The following OPCML variants were observed in gnomAD, a reference collection of about 807,000 sequenced individuals.
The protein encoded by OPCML is opioid-binding protein/cell adhesion molecule.
Under a neutral mutation model 37.8 loss-of-function variants are expected in OPCML, and 13 were observed. That is an observed-to-expected ratio of 0.34 (90% confidence interval 0.22 to 0.55). The LOEUF (loss-of-function observed/expected upper bound fraction) is 0.55, where lower values mean the gene tolerates loss of function less well. Among genes scored for constraint, OPCML ranks in the 20% least tolerant of loss-of-function variants. The probability of loss-of-function intolerance (pLI) is 0.91; values close to 1 mark genes in which losing one functional copy is unlikely to be tolerated. For missense variants in OPCML, 341 were observed against 435.6 expected (o/e 0.78, Z 1.93); for synonymous variants, 176 against 168.8 (o/e 1.04, Z -0.33).
intron 2 of OPCML, among the ~76,000 whole-genome samples, chr11:132,667,193 T>C (rs901610659): frequency 5.9e-5 from 9 of 152,220 alleles, no homozygotes; most frequent in Admixed American, 5.2e-4. Flanking sequence ...TTTTTTGTTG[T>C]TGCTTATTTG....
intron 3 of OPCML, among the ~76,000 whole-genome samples, chr11:132,609,514 C>G (rs1938510027): frequency 1.3e-5 from 2 of 152,134 alleles, no homozygotes; most frequent in Admixed American, 1.3e-4. Context: ...CATTTACCCA[C>G]CAGCATGCAA....
chr11:133,331,691 T>A (rs1343892051), intron 1 of OPCML, among the ~76,000 whole-genome samples: 3 of 152,170 alleles, frequency 2.0e-5, no homozygotes, highest in African/African-American at 4.8e-5. Context: ...ATTTCAAAAT[T>A]CTACTTTATT....
At chr11:132,705,023 C>G (rs1396547240) in intron 2 of OPCML, among the ~76,000 whole-genome samples, 2 of 152,146 alleles carry the variant, frequency 1.3e-5, no homozygotes, top group Non-Finnish European at 2.9e-5. Context: ...GTTGAGTAAA[C>G]AGATCTGGCT....
intron 1 of OPCML, among the ~76,000 whole-genome samples, chr11:132,998,045 A>G (rs1946919632): frequency 6.6e-6 from 1 of 152,160 alleles, no homozygotes; most frequent in Non-Finnish European, 1.5e-5. Context: ...TGGGTTTGGC[A>G]TAGTTCCGCC....
At chr11:132,940,281 C>T (rs1237287842) in intron 2 of OPCML, among the ~76,000 whole-genome samples, 1 of 152,152 alleles carries the variant, frequency 6.6e-6, no homozygotes, top group African/African-American at 2.4e-5. Context: ...GGTCTCTGGC[C>T]TCCTTATGGG....
At chr11:132,709,096 T>C (rs780513510) in intron 2 of OPCML, among the ~76,000 whole-genome samples, 2 of 152,204 alleles carry the variant, frequency 1.3e-5, no homozygotes, top group African/African-American at 2.4e-5. Flanking sequence ...AGCTGTGCTC[T>C]AACCTCCTGT....
At chr11:133,087,402 A>C (rs550791898) in intron 1 of OPCML, among the ~76,000 whole-genome samples, 35 of 152,288 alleles carry the variant, frequency 2.3e-4, no homozygotes, top group African/African-American at 8.2e-4. Context: ...TAGTGAGCCT[A>C]GAACCTAATA....
intron 1 of OPCML, among the ~76,000 whole-genome samples, chr11:133,044,792 G>A (rs1045464452): frequency 2.6e-5 from 4 of 152,132 alleles, no homozygotes; most frequent in Non-Finnish European, 4.4e-5. Flanking sequence ...AGTCCGTTCC[G>A]TACAGGGGAG....
intron 1 of OPCML, among the ~76,000 whole-genome samples, chr11:133,088,866 T>C (rs1948859381): frequency 6.6e-6 from 1 of 152,220 alleles, no homozygotes. Context: ...CCCCATATTC[T>C]AACACATTAA....
At chr11:132,537,765 A>G (rs1056768408) in intron 3 of OPCML, among the ~76,000 whole-genome samples, 10 of 152,232 alleles carry the variant, frequency 6.6e-5, no homozygotes, top group Non-Finnish European at 1.5e-4. Context: ...AGTTGCATAA[A>G]TAATTCTCCA....
chr11:132,656,223 C>G (rs907463393), intron 3 of OPCML, among the ~76,000 whole-genome samples: 1 of 152,082 alleles, frequency 6.6e-6, no homozygotes, highest in Non-Finnish European at 1.5e-5. Context: ...GGGTCAAGTT[C>G]AAAATAAGTT....
At chr11:132,614,078 A>G (rs1417390237) in intron 3 of OPCML, among the ~76,000 whole-genome samples, 2 of 152,076 alleles carry the variant, frequency 1.3e-5, no homozygotes, top group Non-Finnish European at 2.9e-5. Flanking sequence ...AAGTAGAAAA[A>G]GGCATTCAAG....
At chr11:132,771,243 C>T (rs931850862) in intron 2 of OPCML, among the ~76,000 whole-genome samples, 1 of 152,184 alleles carries the variant, frequency 6.6e-6, no homozygotes, top group African/African-American at 2.4e-5. Flanking sequence ...AACCACTATG[C>T]TTTGATATCT....
intron 1 of OPCML, among the ~76,000 whole-genome samples, chr11:133,200,691 G>A (rs1000693072): frequency 1.3e-5 from 2 of 152,026 alleles, no homozygotes; most frequent in Admixed American, 6.6e-5. Context: ...TTTTTTCCAC[G>A]TAACAATATG....
chr11:132,861,703 C>A (rs746803710), intron 2 of OPCML, among the ~76,000 whole-genome samples: 1 of 152,000 alleles, frequency 6.6e-6, no homozygotes, highest in Non-Finnish European at 1.5e-5. Flanking sequence ...GGCGTGGTGG[C>A]GTGCACCTGT....
chr11:133,256,616 G>T (rs1941318666), intron 1 of OPCML, among the ~76,000 whole-genome samples: 1 of 152,242 alleles, frequency 6.6e-6, no homozygotes, highest in Admixed American at 6.5e-5. Flanking sequence ...TTATTTTAAA[G>T]TTATTCATTT....
intron 3 of OPCML, among the ~76,000 whole-genome samples, chr11:132,650,673 C>T (rs1591672885): frequency 6.6e-6 from 1 of 152,064 alleles, no homozygotes; most frequent in Non-Finnish European, 1.5e-5. Flanking sequence ...ACTCTGAATT[C>T]TACTCTTCAC....
In OPCML at chr11:132,824,490, A is replaced by AT. The variant is rs796568840; in HGVS notation, c.146+118435dup. On this transcript the variant is annotated intron_variant, in intron 2 of 7. Transcript: ENST00000524381. ...GTTCATCCTCACTTTTTATCATCTC[A>AT]TTTTTTGTTCTGTTTCACAGCAAAA... 3.4e-4 allele frequency among the ~76,000 whole-genome samples: 52 copies of AT among 152,092 alleles called. 1 individual carries two copies. The highest frequency in any genetic ancestry group is 1.1e-3 in the African/African-American group (46 of 41,400).
intron 3 of OPCML, among the ~76,000 whole-genome samples, chr11:132,555,001 G>A (rs991149171): frequency 6.7e-6 from 1 of 150,166 alleles, no homozygotes; most frequent in African/African-American, 2.4e-5. Flanking sequence ...TCCTTAGGAT[G>A]CACACTTAGA....
Sources: allele counts gnomAD v4.1 joint callset (sites outside exome capture counted in the v4.1 genomes callset), GRCh38; gene constraint gnomAD v4.1.1; transcripts MANE v1.5; gene names NCBI Gene and HGNC (gene_info 2026-07-23, HGNC 2026-07-21).